The following CNTN4 variants were observed in gnomAD, a reference collection of about 807,000 sequenced individuals.
CNTN4 encodes the protein contactin 4, also known as contactin-4.
A neutral mutation model predicts 122.5 loss-of-function variants in CNTN4; 77 were observed. That is an observed-to-expected ratio of 0.63 (90% confidence interval 0.52 to 0.76). The LOEUF (loss-of-function observed/expected upper bound fraction) is 0.76, where lower values mean the gene tolerates loss of function less well. CNTN4 is among the 30% of genes least tolerant of loss of function. The pLI, the probability that CNTN4 is intolerant of heterozygous loss-of-function variation, is 0.00. For missense variants in CNTN4, 1,256 were observed against 1,259.1 expected, an observed-to-expected ratio of 1.00 and a Z score of 0.04; for synonymous variants, 512 against 447.0, an observed-to-expected ratio of 1.15 and a Z score of -1.83.
At chr3:2,882,290 C>T (rs372309125) in intron 8 of CNTN4, among the ~76,000 whole-genome samples, 44 of 151,884 alleles carry the variant, frequency 2.9e-4, no homozygotes, top group African/African-American at 8.9e-4. Flanking sequence ...CGCTTGAACC[C>T]GGAAGGCAGA....
intron 4 of CNTN4, among the ~76,000 whole-genome samples, chr3:2,597,610 C>T (rs1016121278): frequency 1.3e-5 from 2 of 152,096 alleles, no homozygotes; most frequent in African/African-American, 4.8e-5. Flanking sequence ...AGCCTGAAGG[C>T]ATGCATAAAA....
intron 2 of CNTN4, among the ~76,000 whole-genome samples, chr3:2,177,647 T>A: frequency 1.0e-5 from 1 of 98,210 alleles, no homozygotes; most frequent in Non-Finnish European, 2.1e-5. Flanking sequence ...AATGGGATTG[T>A]GTGTGTGTTT....
intron 14 of CNTN4, among the ~76,000 whole-genome samples, chr3:3,003,059 T>C (rs1696209356): frequency 6.6e-6 from 1 of 152,150 alleles, no homozygotes; most frequent in Non-Finnish European, 1.5e-5. Context: ...ACTGATGACA[T>C]TGATTTTACA....
At chr3:2,586,563 T>C (rs1385933260) in intron 4 of CNTN4, among the ~76,000 whole-genome samples, 2 of 152,170 alleles carry the variant, frequency 1.3e-5, no homozygotes, top group African/African-American at 4.8e-5. Flanking sequence ...AGTGCTGGGA[T>C]TACAGGCGTG....
At chr3:2,343,363 G>A (rs2044279948) in intron 3 of CNTN4, among the ~76,000 whole-genome samples, 1 of 152,160 alleles carries the variant, frequency 6.6e-6, no homozygotes, top group African/African-American at 2.4e-5. Flanking sequence ...GTCTTCATGT[G>A]TAACTTTGTA....
chr3:2,238,927 G>T (rs184152291), intron 2 of CNTN4: 2 of 125,804 alleles, frequency 1.6e-5, no homozygotes, highest in Admixed American at 8.8e-5. Flanking sequence ...GGGTTTCACC[G>T]TGTTAGCCAG....
At chr3:3,026,315 G>A in intron 15 of CNTN4, 38 bp downstream of exon 15, 1 of 1,535,040 alleles carries the variant, frequency 6.5e-7, no homozygotes, top group Non-Finnish European at 9.0e-7. Context: ...AAACTAACTT[G>A]TTTAGACCAA....
intron 2 of CNTN4, among the ~76,000 whole-genome samples, chr3:2,302,167 A>G (rs1330631071): frequency 6.6e-6 from 1 of 152,218 alleles, no homozygotes; most frequent in Non-Finnish European, 1.5e-5. Context: ...ACAGTGGCTC[A>G]TGCCTGTAAT....
At chr3:2,869,205 G>A (rs548311403) in intron 8 of CNTN4, among the ~76,000 whole-genome samples, 1 of 152,288 alleles carries the variant, frequency 6.6e-6, no homozygotes, top group East Asian at 1.9e-4. Flanking sequence ...AGTGATTTAT[G>A]TTTTTAAGAA....
intron 12 of CNTN4, among the ~76,000 whole-genome samples, chr3:2,905,546 G>A (rs1392842776): frequency 6.6e-6 from 1 of 152,196 alleles, no homozygotes; most frequent in East Asian, 1.9e-4. Context: ...TAAAGGTCCT[G>A]CCTCTTAGTA....
At chr3:2,669,486 T>A (rs908417370) in intron 4 of CNTN4, among the ~76,000 whole-genome samples, 2 of 152,206 alleles carry the variant, frequency 1.3e-5, no homozygotes, top group Admixed American at 1.3e-4. Context: ...CTCTCTTTTC[T>A]TCTTTATTAG....
intron 6 of CNTN4, among the ~76,000 whole-genome samples, chr3:2,814,995 A>G (rs952471422): frequency 6.6e-6 from 1 of 152,218 alleles, no homozygotes; most frequent in Non-Finnish European, 1.5e-5. Context: ...CCGTCTCATA[A>G]TGCCTGCTGC....
chr3:3,023,779 C>A (rs749223368), intron 14 of CNTN4, among the ~76,000 whole-genome samples: 12 of 152,308 alleles, frequency 7.9e-5, no homozygotes, highest in Non-Finnish European at 1.8e-4. Context: ...GGCAGAAATT[C>A]TCTGAATTCC....
intron 7 of CNTN4, among the ~76,000 whole-genome samples, chr3:2,829,777 A>G (rs1041551512): frequency 1.4e-4 from 21 of 152,232 alleles, no homozygotes; most frequent in African/African-American, 2.4e-4. Flanking sequence ...TCATAGAAAA[A>G]TTATAGTCTT....
rs535257764 is a variant in CNTN4, at chr3:2,233,123, G to T, written c.-144-106055G>T. Among the ~76,000 whole-genome samples, 218 of 151,234 alleles carry T rather than the reference G, an allele frequency of 1.4e-3. 2 individuals are homozygous for T. Among genetic ancestry groups the T allele is most frequent in the African/African-American group, 5.1e-3 (209 of 40,696 alleles). ...ATGATTATATTTTTAAACTAATGGG[G>T]GTCAGACTGAACTGTCTTGAGCTAT... On this transcript the variant is annotated intron_variant, in intron 2 of 24. Coordinates refer to ENST00000418658, the MANE Select transcript of CNTN4 (RefSeq NM_175607.3).
At chr3:2,205,984 A>C (rs1045553958) in intron 2 of CNTN4, among the ~76,000 whole-genome samples, 1 of 152,254 alleles carries the variant, frequency 6.6e-6, no homozygotes, top group Middle Eastern at 3.4e-3. Flanking sequence ...GGAAGGTGGC[A>C]AATACTCGGA....
At chr3:2,735,443 C>T (rs184065999) in intron 4 of CNTN4, among the ~76,000 whole-genome samples, 2 of 152,336 alleles carry the variant, frequency 1.3e-5, no homozygotes, top group East Asian at 3.9e-4. Context: ...CATCCAGTTT[C>T]TCTTATTGAG....
At chr3:2,358,186 A>T (rs1180278176) in intron 3 of CNTN4, among the ~76,000 whole-genome samples, 1 of 152,184 alleles carries the variant, frequency 6.6e-6, no homozygotes, top group Non-Finnish European at 1.5e-5. Flanking sequence ...CTATCTATTT[A>T]AGATGTATAT....
At chr3:2,207,217 A>T (rs2038400235) in intron 2 of CNTN4, among the ~76,000 whole-genome samples, 1 of 151,986 alleles carries the variant, frequency 6.6e-6, no homozygotes, top group Admixed American at 6.6e-5. Context: ...ATTCTCTGAG[A>T]CACAATAATA....
Sources: gnomAD v4.1 joint callset for allele counts (sites outside exome capture counted in the v4.1 genomes callset) on GRCh38, gnomAD v4.1.1 for gene constraint, MANE v1.5 for transcripts, NCBI Gene and HGNC (gene_info 2026-07-23, HGNC 2026-07-21) for gene names.